The following LPIN2 variants were observed in gnomAD, a reference collection of about 807,000 sequenced individuals.
LPIN2 encodes phosphatidate phosphatase LPIN2.
Under a neutral mutation model 111.4 loss-of-function variants are expected in LPIN2, and 55 were observed. That is an observed-to-expected ratio of 0.49 (90% CI 0.40 to 0.62). The LOEUF (loss-of-function observed/expected upper bound fraction) is 0.62. LPIN2 is among the 20% of genes least tolerant of loss of function. The pLI, the probability that LPIN2 is intolerant of heterozygous loss-of-function variation, is 0.00. For missense variants in LPIN2, 992 were observed against 1,112.1 expected, an observed-to-expected ratio of 0.89 and a Z score of 1.54; for synonymous variants, 425 against 414.0, an observed-to-expected ratio of 1.03 and a Z score of -0.32.
chr18:2,950,843 C>G (rs1389478310), intron 4 of LPIN2, among the ~76,000 whole-genome samples: 1 of 152,178 alleles, frequency 6.6e-6, no homozygotes, highest in Non-Finnish European at 1.5e-5. Flanking sequence ...GAAACACAAC[C>G]AGTCTGCTAC....
chr18:2,995,091 G>T (rs1207305891), intron 1 of LPIN2, among the ~76,000 whole-genome samples: 2 of 152,168 alleles, frequency 1.3e-5, no homozygotes, highest in African/African-American at 2.4e-5. Flanking sequence ...TAGGACTGCT[G>T]TGAGGATCCC....
rs531806437 is a variant in LPIN2 at position 2,931,214 on chromosome 18, T to C, written c.1456+42A>G. On this transcript the variant is annotated intron_variant, in intron 9 of 19. Transcript: ENST00000677752. ...AAGTTTTAACCAAGTGATGACCAGATTGCTCTCTGAAATGAAGATGGGGCA... is the reference window on the plus strand; with the variant it reads ...AAGTTTTAACCAAGTGATGACCAGACTGCTCTCTGAAATGAAGATGGGGCA... The C allele has an allele frequency of 1.1e-4, 177 of 1,598,884 alleles. No individual in the cohort carries two copies. The South Asian group carries it at 1.6e-3, about 14-fold the overall frequency.
rs1157370231 is a variant in LPIN2, at chr18:2,932,162, A to C, written c.1269-719T>G. 3.3e-5 allele frequency among the ~76,000 whole-genome samples: 5 copies of C among 152,242 alleles called. No homozygotes were observed. In the East Asian group the frequency reaches 9.6e-4, roughly 29 times the overall value. Reference sequence around the variant, plus strand: ...ATGCAATGAAGTGTAAATTTGAGAAAGAATAATCATGAATGGCACAGCACC... The same window carrying C: ...ATGCAATGAAGTGTAAATTTGAGAACGAATAATCATGAATGGCACAGCACC... On this transcript the variant is annotated intron_variant, in intron 8 of 19. Coordinates refer to ENST00000677752, the MANE Select transcript of LPIN2 (RefSeq NM_001375808.2).
At chr18:2,921,199 A>C (rs1598518190) in intron 18 of LPIN2, 2 of 546,624 alleles carry the variant, frequency 3.7e-6, no homozygotes, top group East Asian at 6.5e-5. Context: ...AGTGCTAGCG[A>C]AGGGCCAGCA....
chr18:2,952,810 G>A (rs1425866203), intron 3 of LPIN2, among the ~76,000 whole-genome samples: 2 of 152,128 alleles, frequency 1.3e-5, no homozygotes, highest in South Asian at 2.1e-4. Flanking sequence ...ACGCCTACCA[G>A]CAAGAAAATG....
intron 1 of LPIN2, among the ~76,000 whole-genome samples, chr18:2,996,667 C>T (rs554392680): frequency 2.4e-4 from 36 of 151,390 alleles, no homozygotes; most frequent in African/African-American, 5.1e-4. Context: ...TTAGTAGAGA[C>T]GGGGTTTCAC....
At chr18:3,012,641 C>G (rs1191170866) in intron 1 of LPIN2, among the ~76,000 whole-genome samples, 1 of 152,182 alleles carries the variant, frequency 6.6e-6, no homozygotes, top group African/African-American at 2.4e-5. Context: ...CGCCCCCTCC[C>G]GCAGGGCCGG....
Position 2,938,089 on chromosome 18 carries a change from T to C in LPIN2, c.823-52A>G, listed in dbSNP as rs759280706. On this transcript the variant is annotated intron_variant, in intron 6 of 19. Transcript: ENST00000677752. The stretch of plus-strand genomic sequence containing the variant: ...TAAACTACTTTCAGAGTATTTGTTA[T>C]AATCTATTTCCTAAGCTGGCAATGT... 8.6e-6 allele frequency: 12 copies of C among 1,390,806 alleles called. No homozygotes were observed. In the African/African-American group the frequency reaches 1.6e-4, roughly 18 times the overall value. 86.2% of individuals were successfully genotyped at this position (1,390,806 alleles called of 1,614,324 possible).
intron 1 of LPIN2, among the ~76,000 whole-genome samples, chr18:2,975,430 G>A (rs1454025120): frequency 6.6e-6 from 1 of 152,148 alleles, no homozygotes; most frequent in Non-Finnish European, 1.5e-5. Flanking sequence ...TGCCTCCCGG[G>A]TTCAAGTGAT....
At chr18:2,971,801 A>G (rs939900128) in intron 1 of LPIN2, among the ~76,000 whole-genome samples, 3 of 150,988 alleles carry the variant, frequency 2.0e-5, no homozygotes, top group Non-Finnish European at 2.9e-5. Context: ...TAATCCCAGC[A>G]CTTTGGGAGG....
At chr18:2,984,293 C>T (rs1471805267) in intron 1 of LPIN2, among the ~76,000 whole-genome samples, 1 of 152,196 alleles carries the variant, frequency 6.6e-6, no homozygotes, top group Non-Finnish European at 1.5e-5. Flanking sequence ...ACCTGCAGTA[C>T]ACCAAAGTGC....
rs1397133720 is a variant in LPIN2, at chr18:2,925,425, C to G, written c.1794-57G>C. 6.2e-7 allele frequency: 1 copy of G among 1,608,338 alleles called. No homozygotes were observed. Among genetic ancestry groups the G allele is most frequent in the African/African-American group, 1.3e-5 (1 of 74,768 alleles). ...CAGCAGGGCATTTTATTGATGAGAGCTTTTCATTTAGGATCAAGAAAATAA... is the reference window on the plus strand; with the variant it reads ...CAGCAGGGCATTTTATTGATGAGAGGTTTTCATTTAGGATCAAGAAAATAA... On this transcript the variant is annotated intron_variant, in intron 13 of 19. Coordinates refer to ENST00000677752, the MANE Select transcript of LPIN2 (RefSeq NM_001375808.2). The surrounding 1 kb of genome is among the most constrained non-coding windows in gnomAD (Gnocchi z 4.1).
chr18:2,983,839 AAATTAC>A lies in LPIN2; in HGVS notation c.-9-22996_-9-22991del, dbSNP rs1385884602. On this transcript the variant is annotated intron_variant, in intron 1 of 19. Transcript: ENST00000677752. ...TAAAATGTGATTACTAGAAAATTTG[AAATTAC>A]ACATGTGGCTCACATTATATTTCTA... Among the ~76,000 whole-genome samples, 4 of 152,128 alleles carry A rather than the reference AAATTAC, an allele frequency of 2.6e-5. No homozygotes were observed. The East Asian group carries it at 7.7e-4, about 29-fold the overall frequency.
chr18:2,946,590 G>A, intron 4 of LPIN2: 1 of 953,890 alleles, frequency 1.0e-6, no homozygotes, highest in African/African-American at 1.6e-5. Context: ...GCAAGAGGAT[G>A]CGTTAGCCAA....
intron 1 of LPIN2, among the ~76,000 whole-genome samples, chr18:2,986,437 C>G (rs569936087): frequency 1.5e-5 from 2 of 137,206 alleles, no homozygotes; most frequent in Non-Finnish European, 3.2e-5. Context: ...TGAGGTCAGA[C>G]GCCCAGCTTA....
At chr18:2,972,047 A>G (rs1418285683) in intron 1 of LPIN2, among the ~76,000 whole-genome samples, 7 of 152,176 alleles carry the variant, frequency 4.6e-5, no homozygotes, top group African/African-American at 1.7e-4. Context: ...ACTCCATATC[A>G]AAAACAAAAC....
intron 1 of LPIN2, among the ~76,000 whole-genome samples, chr18:2,970,748 T>A (rs1051845077): frequency 5.3e-5 from 8 of 152,114 alleles, no homozygotes; most frequent in South Asian, 2.1e-4. Context: ...GAGAAAAAAA[T>A]TTTTAATTTT....
At chr18:2,967,392 G>A (rs1375265578) in intron 1 of LPIN2, among the ~76,000 whole-genome samples, 1 of 152,150 alleles carries the variant, frequency 6.6e-6, no homozygotes, top group Non-Finnish European at 1.5e-5. Context: ...TGAATCTGGG[G>A]GGGATTCTGG....
chr18:2,974,635 T>C (rs1161165180), intron 1 of LPIN2, among the ~76,000 whole-genome samples: 1 of 152,188 alleles, frequency 6.6e-6, no homozygotes, highest in Non-Finnish European at 1.5e-5. Flanking sequence ...TTATTCTTCC[T>C]AATGTTAGTT....
Sources: allele counts gnomAD v4.1 joint callset (sites outside exome capture counted in the v4.1 genomes callset), GRCh38; gene constraint gnomAD v4.1.1; non-coding constraint Gnocchi (gnomAD v3.1); transcripts MANE v1.5; gene names NCBI Gene and HGNC (gene_info 2026-07-23, HGNC 2026-07-21).